FAT3: variants seen among roughly 807,000 people sequenced by gnomAD.
The protein encoded by FAT3 is protocadherin Fat 3.
Under a neutral mutation model 310.2 loss-of-function variants are expected in FAT3, and 95 were observed. That is an observed-to-expected ratio of 0.31 (90% CI 0.26 to 0.36). The LOEUF is 0.36. Ranked by LOEUF, FAT3 falls within the 10% of genes least tolerant of loss-of-function variation. The pLI, the probability that FAT3 is intolerant of heterozygous loss-of-function variation, is 1.00. For missense variants in FAT3, 5,408 were observed against 5,715.6 expected (o/e 0.95, Z 1.74); for synonymous variants, 2,314 against 2,192.9 (o/e 1.06, Z -1.54).
chr11:92,790,243 CTCCTACAGAACCACTGACTG>C (rs1947005827), intron 8 of FAT3, 25 bp downstream of exon 8: 1 of 1,609,808 alleles, frequency 6.2e-7, no homozygotes, highest in South Asian at 1.1e-5. Flanking sequence ...CTAATTAGCA[CTCCTACAGAACCACTGACTG>C]TTCAGGCCAC....
chr11:92,862,909 G>A (rs1253135937), intron 21 of FAT3, among the ~76,000 whole-genome samples: 2 of 152,128 alleles, frequency 1.3e-5, no homozygotes, highest in Non-Finnish European at 2.9e-5. Flanking sequence ...GTGACAGCCA[G>A]TCAATATCAC....
chr11:92,840,473 G>T, intron 17 of FAT3, 89 bp from the exon 18 acceptor site: 1 of 1,217,458 alleles, frequency 8.2e-7, no homozygotes. Flanking sequence ...TGAAATGATG[G>T]TATTTTTGAT....
intron 2 of FAT3, chr11:92,367,032 A>G (rs1949041327): frequency 2.0e-6 from 1 of 512,534 alleles, no homozygotes; most frequent in East Asian, 5.3e-5. Flanking sequence ...TCTGATCAAT[A>G]ACATCTAGCA....
intron 2 of FAT3, among the ~76,000 whole-genome samples, chr11:92,380,217 C>T (rs1351807994): frequency 6.6e-6 from 1 of 152,078 alleles, no homozygotes; most frequent in Non-Finnish European, 1.5e-5. Context: ...GAGTGTCTCC[C>T]ACCTTCAAGA....
chr11:92,416,125 C>T (rs1322719330), intron 2 of FAT3, among the ~76,000 whole-genome samples: 2 of 147,380 alleles, frequency 1.4e-5, no homozygotes, highest in Non-Finnish European at 3.0e-5. Flanking sequence ...CCTGTAATCC[C>T]AGCACTTTGG....
chr11:92,814,446 A>C (rs1042147411), intron 13 of FAT3, among the ~76,000 whole-genome samples: 1 of 152,320 alleles, frequency 6.6e-6, no homozygotes, highest in African/African-American at 2.4e-5. Context: ...GAAGAGGACA[A>C]GATAATTTTA....
At chr11:92,449,136 G>A (rs1951289827) in intron 2 of FAT3, among the ~76,000 whole-genome samples, 1 of 152,148 alleles carries the variant, frequency 6.6e-6, no homozygotes, top group Non-Finnish European at 1.5e-5. Context: ...CTGCTGAGGA[G>A]CCCGAGCAAT....
At chr11:92,576,259 C>T (rs531214) in intron 3 of FAT3, among the ~76,000 whole-genome samples, 114,778 of 152,062 alleles carry the variant, frequency 0.75, 45,228 homozygotes, top group Non-Finnish European at 0.88. Flanking sequence ...CAAAGTTAAC[C>T]TCTAGAGAAT....
At chr11:92,788,437 T>C (rs1946953120) in intron 7 of FAT3, among the ~76,000 whole-genome samples, 1 of 152,186 alleles carries the variant, frequency 6.6e-6, no homozygotes, top group Non-Finnish European at 1.5e-5. Context: ...ATCCTAACTT[T>C]CCTATATGAA....
chr11:92,252,936 C>G (rs555400294), intron 1 of FAT3, among the ~76,000 whole-genome samples: 1 of 152,276 alleles, frequency 6.6e-6, no homozygotes, highest in East Asian at 1.9e-4. Context: ...CCCTCCTGCC[C>G]TCTAGAACTT....
chr11:92,372,955 C>G (rs759248220), intron 2 of FAT3, among the ~76,000 whole-genome samples: 1 of 152,060 alleles, frequency 6.6e-6, no homozygotes, highest in African/African-American at 2.4e-5. Flanking sequence ...CCACCGTGCC[C>G]GGCCAGCAAA....
At chr11:92,403,176 G>A (rs1950060511) in intron 2 of FAT3, 1 of 152,170 alleles carries the variant, frequency 6.6e-6, no homozygotes, top group Non-Finnish European at 1.5e-5. Flanking sequence ...GGATATGGGG[G>A]GACAAGTAGA....
chr11:92,333,948 A>G (rs999492162), intron 1 of FAT3, among the ~76,000 whole-genome samples: 1 of 152,192 alleles, frequency 6.6e-6, no homozygotes, highest in Non-Finnish European at 1.5e-5. Flanking sequence ...CCTCAGTTTA[A>G]ATAGATTACA....
At position 92,894,261 on chromosome 11, in the gene FAT3, G is replaced by T. The variant is rs902948432; in HGVS notation, c.*3148G>T. ...TGCTGCTTTTGCCAAATGAATGTTT[G>T]TATAATAGGGATGAAATGATAATTA... On this transcript the variant is annotated 3_prime_UTR_variant, in exon 28 of 28. Coordinates refer to ENST00000525166, the MANE Select transcript of FAT3 (RefSeq NM_001367949.2). The T allele has an allele frequency of 1.4e-4, 21 of 152,198 alleles. No homozygotes were observed. The highest frequency in any genetic ancestry group is 5.1e-4 in the African/African-American group (21 of 41,450). 9.4% of individuals were successfully genotyped at this position (152,198 alleles called of 1,614,324 possible).
chr11:92,429,572 C>T (rs1473799580), intron 2 of FAT3, among the ~76,000 whole-genome samples: 4 of 152,108 alleles, frequency 2.6e-5, no homozygotes, highest in Non-Finnish European at 4.4e-5. Flanking sequence ...TAAGGCAGGC[C>T]TGGTGGTAAC....
chr11:92,583,319 G>A (rs1938920270), intron 3 of FAT3, among the ~76,000 whole-genome samples: 1 of 151,970 alleles, frequency 6.6e-6, no homozygotes, highest in Admixed American at 6.6e-5. Flanking sequence ...TCCTTCTTTT[G>A]TCTTTCCCTC....
intron 1 of FAT3, among the ~76,000 whole-genome samples, chr11:92,344,984 C>T (rs1948372620): frequency 6.6e-6 from 1 of 152,034 alleles, no homozygotes; most frequent in Admixed American, 6.5e-5. Context: ...ATTAAAGGCT[C>T]CAGGAAGTTC....
intron 1 of FAT3, among the ~76,000 whole-genome samples, chr11:92,241,276 C>G (rs1864661532): frequency 6.6e-6 from 1 of 152,086 alleles, no homozygotes; most frequent in Admixed American, 6.6e-5. Context: ...GTGAGTAAGG[C>G]TTTTCATTTC....
At chr11:92,568,794 T>C (rs951127577) in intron 3 of FAT3, among the ~76,000 whole-genome samples, 1 of 152,196 alleles carries the variant, frequency 6.6e-6, no homozygotes, top group Non-Finnish European at 1.5e-5. Flanking sequence ...AAAACTCTGC[T>C]GAAAGATCTT....
Sources: allele counts gnomAD v4.1 joint callset (sites outside exome capture counted in the v4.1 genomes callset), GRCh38; gene constraint gnomAD v4.1.1; transcripts MANE v1.5; gene names NCBI Gene and HGNC (gene_info 2026-07-23, HGNC 2026-07-21).